The following MAML2 variants were observed in gnomAD, a reference collection of about 807,000 sequenced individuals.
MAML2 encodes the protein mastermind-like protein 2.
Under a neutral mutation model 96.1 loss-of-function variants are expected in MAML2, and 22 were observed. That is an observed-to-expected ratio of 0.23 (90% CI 0.16 to 0.33). The LOEUF (loss-of-function observed/expected upper bound fraction) is 0.33, where lower values mean the gene tolerates loss of function less well. MAML2 is among the 10% of genes least tolerant of loss of function. The probability of loss-of-function intolerance (pLI) is 1.00; values close to 1 mark genes in which losing one functional copy is unlikely to be tolerated. For synonymous variants in MAML2, 561 were observed against 521.3 expected, an observed-to-expected ratio of 1.08 and a Z score of -1.04; for missense variants, 1,367 against 1,392.4, an observed-to-expected ratio of 0.98 and a Z score of 0.29.
intron 1 of MAML2, among the ~76,000 whole-genome samples, chr11:96,135,195 G>A (rs1860608816): frequency 6.6e-6 from 1 of 152,162 alleles, no homozygotes; most frequent in South Asian, 2.1e-4. Flanking sequence ...TAATAACTTT[G>A]TCTCTGTTCC....
At chr11:96,249,434 T>C (rs1862553762) in intron 1 of MAML2, among the ~76,000 whole-genome samples, 1 of 152,138 alleles carries the variant, frequency 6.6e-6, no homozygotes, top group South Asian at 2.1e-4. Flanking sequence ...CCCTGACTAC[T>C]TGGCCTCTCC....
chr11:96,088,436 C>T (rs1859652378), intron 2 of MAML2, among the ~76,000 whole-genome samples: 1 of 152,218 alleles, frequency 6.6e-6, no homozygotes, highest in African/African-American at 2.4e-5. Context: ...CTTAAACCCT[C>T]ATGAGCCCTG....
At chr11:96,239,273 C>T (rs1480597039) in intron 1 of MAML2, among the ~76,000 whole-genome samples, 1 of 152,140 alleles carries the variant, frequency 6.6e-6, no homozygotes, top group Non-Finnish European at 1.5e-5. Context: ...AGGTTCCAGC[C>T]CACTGAGGTG....
Position 96,154,750 on chromosome 11 carries a change from T to A in MAML2, c.514-61233A>T, listed in dbSNP as rs190582799. ...TTGAGGGAGAGGGACACATGAACAT[T>A]AACTTACGATTCAGGATGTGACAAG... On this transcript the variant is annotated intron_variant, in intron 1 of 4. Transcript: ENST00000524717. Among the ~76,000 whole-genome samples the A allele has an allele frequency of 2.6e-3, 389 of 152,248 alleles. 1 individual carries two copies. The highest frequency in any genetic ancestry group is 9.0e-3 in the African/African-American group (374 of 41,534).
intron 1 of MAML2, among the ~76,000 whole-genome samples, chr11:96,240,701 A>C (rs1862426166): frequency 6.6e-6 from 1 of 151,942 alleles, no homozygotes; most frequent in Non-Finnish European, 1.5e-5. Flanking sequence ...TCTTGGCAAG[A>C]CCCACTGTTC....
intron 2 of MAML2, among the ~76,000 whole-genome samples, chr11:96,015,269 T>C (rs1858326837): frequency 6.6e-6 from 1 of 152,114 alleles, no homozygotes; most frequent in Non-Finnish European, 1.5e-5. Flanking sequence ...AACAGTACAG[T>C]TCAGTTATAT....
intron 2 of MAML2, among the ~76,000 whole-genome samples, chr11:96,003,298 T>C (rs564397699): frequency 6.6e-6 from 1 of 152,208 alleles, no homozygotes; most frequent in Admixed American, 6.5e-5. Context: ...TACTTCTCAT[T>C]TTTTGAAAGA....
chr11:96,080,617 T>C (rs551953731), intron 2 of MAML2, among the ~76,000 whole-genome samples: 1 of 152,340 alleles, frequency 6.6e-6, no homozygotes, highest in African/African-American at 2.4e-5. Context: ...TCCCATGCTC[T>C]TCCTACCACA....
intron 1 of MAML2, among the ~76,000 whole-genome samples, chr11:96,098,048 A>T (rs549027973): frequency 9.2e-5 from 14 of 152,352 alleles, no homozygotes; most frequent in African/African-American, 3.4e-4. Flanking sequence ...TGCTGGACAC[A>T]GATAGCCCAG....
At chr11:96,070,856 T>C (rs1859333847) in intron 2 of MAML2, among the ~76,000 whole-genome samples, 1 of 152,248 alleles carries the variant, frequency 6.6e-6, no homozygotes, top group Non-Finnish European at 1.5e-5. Flanking sequence ...CACACAGCTA[T>C]GTGTTCAGTG....
chr11:96,024,807 C>T (rs981232096), intron 2 of MAML2, among the ~76,000 whole-genome samples: 3 of 152,190 alleles, frequency 2.0e-5, no homozygotes, highest in African/African-American at 7.2e-5. Context: ...TGCCCTGCCA[C>T]TCCTTCTCCT....
At chr11:96,099,953 TC>T (rs754954763) in intron 1 of MAML2, among the ~76,000 whole-genome samples, 24 of 152,300 alleles carry the variant, frequency 1.6e-4, no homozygotes, top group Non-Finnish European at 3.1e-4. Context: ...TTGATTATTT[TC>T]CTTTAAACTC....
At chr11:96,130,216 A>G (rs1275844355) in intron 1 of MAML2, among the ~76,000 whole-genome samples, 1 of 152,236 alleles carries the variant, frequency 6.6e-6, no homozygotes, top group African/African-American at 2.4e-5. Flanking sequence ...TCTCCCAGGC[A>G]GGGCTTCTTG....
chr11:96,077,290 G>A (rs2135794694), intron 2 of MAML2, among the ~76,000 whole-genome samples: 1 of 142,170 alleles, frequency 7.0e-6, no homozygotes, highest in East Asian at 2.1e-4. Context: ...GTGCGATCTA[G>A]GCTCACTGCA....
intron 2 of MAML2, among the ~76,000 whole-genome samples, chr11:95,996,529 A>G (rs1857992885): frequency 1.3e-5 from 2 of 152,152 alleles, no homozygotes; most frequent in Admixed American, 6.5e-5. Flanking sequence ...CCTGGTATGG[A>G]GGAAAGAATG....
At chr11:96,190,386 G>A (rs1861636540) in intron 1 of MAML2, among the ~76,000 whole-genome samples, 2 of 152,244 alleles carry the variant, frequency 1.3e-5, no homozygotes, top group South Asian at 4.2e-4. Flanking sequence ...AGGTTTACTG[G>A]CCCACAGAAT....
At chr11:96,015,588 G>GGT (rs1554996045) in intron 2 of MAML2, among the ~76,000 whole-genome samples, 1 of 132,506 alleles carries the variant, frequency 7.5e-6, no homozygotes, top group Non-Finnish European at 1.6e-5. Flanking sequence ...AAAAAAAGGG[G>GGT]GGGGGGGCAA....
rs535578867 is a variant in MAML2 at position 96,206,369 on chromosome 11, G to A, written c.514-112852C>T. 1.3e-4 allele frequency among the ~76,000 whole-genome samples: 20 copies of A among 152,226 alleles called. No individual in the cohort carries two copies. In the East Asian group the frequency reaches 2.7e-3, roughly 21 times the overall value. On this transcript the variant is annotated intron_variant, in intron 1 of 4. Transcript: ENST00000524717. ...TCCCAGCACTTTGGGAGGCCGAGGC[G>A]GGCAGATCACGAAGTCAGGAGTTTG... is the stretch of plus-strand genomic sequence containing the variant.
rs989158630 is a variant in MAML2 at position 96,122,623 on chromosome 11, A to G, written c.514-29106T>C. On this transcript the variant is annotated intron_variant, in intron 1 of 4. Transcript: ENST00000524717. ...GAAATTCTATCTCCAAGGCTGCAGT[A>G]AACTATCACACCTGTAGGCTTTTAT... is the stretch of plus-strand genomic sequence containing the variant. Among the ~76,000 whole-genome samples the G allele has an allele frequency of 9.2e-5, 14 of 152,212 alleles. 2 individuals are homozygous for G. Among genetic ancestry groups the G allele is most frequent in the Admixed American group, 7.9e-4 (12 of 15,278 alleles).
Sources: allele counts gnomAD v4.1 joint callset (sites outside exome capture counted in the v4.1 genomes callset), GRCh38; gene constraint gnomAD v4.1.1; transcripts MANE v1.5; gene names NCBI Gene and HGNC (gene_info 2026-07-23, HGNC 2026-07-21).